GATA6: variants seen among roughly 807,000 people sequenced by gnomAD.
GATA6 encodes the protein transcription factor GATA-6.
A neutral mutation model predicts 48.1 loss-of-function variants in GATA6; 11 were observed. The observed-to-expected ratio is 0.23, with a 90% CI of 0.14 to 0.38. The LOEUF is 0.38. GATA6 is among the 10% of genes least tolerant of loss of function. The probability of loss-of-function intolerance (pLI) is 1.00; values close to 1 mark genes in which losing one functional copy is unlikely to be tolerated. For missense variants in GATA6, 795 were observed against 850.3 expected (o/e 0.93, Z 0.81); for synonymous variants, 419 against 396.1 (o/e 1.06, Z -0.69).
At chr18:22,169,852 C>T (rs1244568924) in intron 1 of GATA6, among the ~76,000 whole-genome samples, 170 bp downstream of exon 1, 1 of 152,246 alleles carries the variant, frequency 6.6e-6, no homozygotes, top group African/African-American at 2.4e-5. Context: ...GCTCCCGGGA[C>T]ACCGCGGACC....
intron 3 of GATA6, among the ~76,000 whole-genome samples, chr18:22,180,951 G>A (rs556724932): frequency 1.3e-4 from 20 of 152,202 alleles, no homozygotes; most frequent in African/African-American, 4.6e-4. Context: ...GGTGGGGGGT[G>A]GGCGGCAGGG....
chr18:22,171,040 G>A lies in GATA6; in HGVS notation c.-37-68G>A. On this transcript the variant is annotated intron_variant, in intron 1 of 6. Transcript: ENST00000269216. This position sits in a 1 kb window ranked among gnomAD's most constrained non-coding sequence, Gnocchi z 7.1. ...TAGAAAAAGGAGTGGAGGCGAGGTA[G>A]CGTGCAGCCTACGCTCTTGTTAACC... is the stretch of plus-strand genomic sequence containing the variant. 1 of 914,652 alleles carries A rather than the reference G, an allele frequency of 1.1e-6. No individual in the cohort carries two copies. Among genetic ancestry groups the A allele is most frequent in the Non-Finnish European group, 1.7e-6 (1 of 577,318 alleles). The allele number at this position is 914,652 out of a possible 1,614,324, so 56.7% of individuals were successfully genotyped here. A position where few individuals can be genotyped will look rare whatever the true frequency, so the allele number is the denominator to read the frequency against.
intron 6 of GATA6, among the ~76,000 whole-genome samples, chr18:22,186,240 A>G (rs2033260634): frequency 6.6e-6 from 1 of 152,106 alleles, no homozygotes; most frequent in Non-Finnish European, 1.5e-5. Context: ...TGATGGGGCC[A>G]CGGAACTACA....
intron 6 of GATA6, among the ~76,000 whole-genome samples, chr18:22,198,023 T>G (rs2033412438): frequency 6.6e-6 from 1 of 152,104 alleles, no homozygotes; most frequent in African/African-American, 2.4e-5. Flanking sequence ...ATCTAGTGTC[T>G]GGCTGTCAGT....
Position 22,171,354 on chromosome 18 carries a change from G to A in GATA6, c.210G>A (p.Ala70=), listed in dbSNP as rs1471602863. 6.3e-7 allele frequency: 1 copy of A among 1,585,472 alleles called. No homozygotes were observed. Among genetic ancestry groups the A allele is most frequent in the Non-Finnish European group, 8.5e-7 (1 of 1,173,126 alleles). Residue 70 remains alanine (A), a synonymous_variant, in exon 2 of 7, where the codon GCG becomes GCA. Transcript: ENST00000269216. This position sits in a 1 kb window ranked among gnomAD's most constrained non-coding sequence, Gnocchi z 7.1. ...CGCCTCAGCTCGACACGGAGGCGGC[G>A]GCCGGACCCCCGGCCCGCTCGCTGC... ...CGTPQLDTEA[A]AGPPARSLLL... is the part of the protein sequence containing the mutation.
chr18:22,175,927 A>G (rs2033115810), intron 2 of GATA6, among the ~76,000 whole-genome samples: 1 of 152,216 alleles, frequency 6.6e-6, no homozygotes, highest in South Asian at 2.1e-4. Flanking sequence ...ATGGCGGTCT[A>G]TACTTTTTTT....
At chr18:22,182,273 G>T (rs1428430636) in intron 4 of GATA6, among the ~76,000 whole-genome samples, 1 of 151,822 alleles carries the variant, frequency 6.6e-6, no homozygotes, top group Admixed American at 6.6e-5. Flanking sequence ...CTCTGCATTT[G>T]ATGAGGAAAG....
chr18:22,170,960 A>AGGATCTTTGAGAAGTCTCAAATG lies in GATA6; in HGVS notation c.-37-131_-37-109dup, dbSNP rs2033026169. ...TGATCTCCACGCCCGGGGCAGAAAT[A>AGGATCTTTGAGAAGTCTCAAATG]GGATCTTTGAGAAGTCTCAAATGGG... On this transcript the variant is annotated intron_variant, in intron 1 of 6. Coordinates refer to ENST00000269216, the MANE Select transcript of GATA6 (RefSeq NM_005257.6). This position sits in a 1 kb window ranked among gnomAD's most constrained non-coding sequence, Gnocchi z 6.7. The AGGATCTTTGAGAAGTCTCAAATG allele has an allele frequency of 6.5e-6, 4 of 619,942 alleles. No homozygotes were observed. Among genetic ancestry groups the AGGATCTTTGAGAAGTCTCAAATG allele is most frequent in the South Asian group, 1.9e-5 (1 of 52,040 alleles). 38.4% of individuals were successfully genotyped at this position (619,942 alleles called of 1,614,324 possible).
intron 2 of GATA6, among the ~76,000 whole-genome samples, chr18:22,173,633 T>A (rs1337802247): frequency 6.6e-6 from 1 of 152,210 alleles, no homozygotes; most frequent in Non-Finnish European, 1.5e-5. Flanking sequence ...TCTTTCTGTC[T>A]TCTTCCAAGC....
intron 6 of GATA6, among the ~76,000 whole-genome samples, chr18:22,186,403 A>G (rs1475379985): frequency 6.6e-6 from 1 of 152,100 alleles, no homozygotes; most frequent in Non-Finnish European, 1.5e-5. Context: ...AGAGGCCCAC[A>G]TGAAACATGC....
At chr18:22,187,145 A>G (rs2033272522) in intron 6 of GATA6, among the ~76,000 whole-genome samples, 1 of 152,184 alleles carries the variant, frequency 6.6e-6, no homozygotes, top group Non-Finnish European at 1.5e-5. Flanking sequence ...ATCCATGCAG[A>G]TTTACTAAAA....
intron 6 of GATA6, among the ~76,000 whole-genome samples, chr18:22,196,408 C>G (rs1221766671): frequency 6.6e-6 from 1 of 152,116 alleles, no homozygotes; most frequent in Non-Finnish European, 1.5e-5. Flanking sequence ...GAATAACATT[C>G]AGGGTGTTAA....
Position 22,171,081 on chromosome 18 carries a change from A to T in GATA6, c.-37-27A>T. The T allele has an allele frequency of 2.1e-6, 3 of 1,443,100 alleles. No individual in the cohort carries two copies. Among genetic ancestry groups the T allele is most frequent in the Non-Finnish European group, 2.9e-6 (3 of 1,044,228 alleles). The allele number at this position is 1,443,100 out of a possible 1,614,324, so 89.4% of individuals were successfully genotyped here. ...CTTGTTAACCCGTCGATCTCCTACC[A>T]TACCCGTCTCCCCCACCCCACCTCA... On this transcript the variant is annotated intron_variant, in intron 1 of 6. Transcript: ENST00000269216. The surrounding 1 kb of genome is among the most constrained non-coding windows in gnomAD (Gnocchi z 7.1).
At chr18:22,181,692 A>G (rs546135498) in intron 4 of GATA6, 114 bp downstream of exon 4, 45 of 1,039,760 alleles carry the variant, frequency 4.3e-5, no homozygotes, top group Non-Finnish European at 5.8e-5. Context: ...TTGAATGCAT[A>G]TAATTTATTA....
At chr18:22,184,718 C>T (rs1397266156) in intron 6 of GATA6, among the ~76,000 whole-genome samples, 5 of 151,874 alleles carry the variant, frequency 3.3e-5, no homozygotes, top group East Asian at 1.9e-4. Flanking sequence ...AGGGTGGTCT[C>T]GAACTCCTGT....
Position 22,201,122 on chromosome 18 carries a change from G to A in GATA6, c.*299G>A. 2.4e-6 allele frequency: 1 copy of A among 414,586 alleles called. No individual in the cohort carries two copies. The highest frequency in any genetic ancestry group is 4.1e-5 in the East Asian group (1 of 24,632). The allele number at this position is 414,586 out of a possible 1,614,324, so 25.7% of individuals were successfully genotyped here. On this transcript the variant is annotated 3_prime_UTR_variant, in exon 7 of 7. Coordinates refer to ENST00000269216, the MANE Select transcript of GATA6 (RefSeq NM_005257.6). Reference sequence around the variant, plus strand: ...GGCCTTGCCTGCTATGGAATATTGAGAGAGATTTTTTAAAAAAGATTTTGC... The same window carrying A: ...GGCCTTGCCTGCTATGGAATATTGAAAGAGATTTTTTAAAAAAGATTTTGC...
intron 6 of GATA6, among the ~76,000 whole-genome samples, chr18:22,193,600 G>A (rs940412997): frequency 2.0e-5 from 3 of 152,172 alleles, no homozygotes; most frequent in African/African-American, 4.8e-5. Context: ...TAGGAAGGAC[G>A]GATCAGAGGC....
chr18:22,178,145 G>A (rs941920401), intron 3 of GATA6, among the ~76,000 whole-genome samples: 1 of 151,750 alleles, frequency 6.6e-6, no homozygotes, highest in Non-Finnish European at 1.5e-5. Flanking sequence ...TGTATTTTTA[G>A]TAGAGACAGG....
intron 6 of GATA6, among the ~76,000 whole-genome samples, chr18:22,192,424 A>G (rs2033338404): frequency 6.6e-6 from 1 of 152,164 alleles, no homozygotes; most frequent in South Asian, 2.1e-4. Flanking sequence ...CACTTTCTTA[A>G]TGGGGAAATT....
Sources: gnomAD v4.1 joint callset for allele counts (sites outside exome capture counted in the v4.1 genomes callset) on GRCh38, gnomAD v4.1.1 for gene constraint, Gnocchi (gnomAD v3.1) non-coding constraint, MANE v1.5 for transcripts, NCBI Gene and HGNC (gene_info 2026-07-23, HGNC 2026-07-21) for gene names.